The following EPHA3 variants were observed in gnomAD, a reference collection of about 807,000 sequenced individuals.
EPHA3 encodes the protein ephrin type-A receptor 3.
A neutral mutation model predicts 107.1 loss-of-function variants in EPHA3; 42 were observed. The ratio of observed to expected loss-of-function variants is 0.39; its 90% confidence interval spans 0.31 to 0.51. The LOEUF (loss-of-function observed/expected upper bound fraction) is 0.51. Among genes scored for constraint, EPHA3 ranks in the 20% least tolerant of loss-of-function variants. The pLI, the probability that EPHA3 is intolerant of heterozygous loss-of-function variation, is 0.78. For synonymous variants in EPHA3, 461 were observed against 424.8 expected (o/e 1.09, Z -1.05); for missense variants, 1,183 against 1,211.2 (o/e 0.98, Z 0.35).
chr3:89,480,296 C>T lies in EPHA3; in HGVS notation c.*794C>T. 4.3e-6 allele frequency: 1 copy of T among 232,918 alleles called. No homozygotes were observed. Among genetic ancestry groups the T allele is most frequent in the Non-Finnish European group, 8.5e-6 (1 of 117,828 alleles). The allele number at this position is 232,918 out of a possible 1,614,324, so 14.4% of individuals were successfully genotyped here. On this transcript the variant is annotated 3_prime_UTR_variant, in exon 17 of 17. Coordinates refer to ENST00000336596, the MANE Select transcript of EPHA3 (RefSeq NM_005233.6). ...TCTTTCAGATTTTTTGAACCATCCA[C>T]TTACATATATTTTTAAAAAATGAAA...
At chr3:89,170,552 A>G (rs77735727) in intron 2 of EPHA3, among the ~76,000 whole-genome samples, 1 of 152,154 alleles carries the variant, frequency 6.6e-6, no homozygotes, top group Non-Finnish European at 1.5e-5. Flanking sequence ...AGTTGATGAC[A>G]TACGAACTAG....
At chr3:89,260,495 C>A (rs1045807101) in intron 3 of EPHA3, among the ~76,000 whole-genome samples, 15 of 151,996 alleles carry the variant, frequency 9.9e-5, no homozygotes, top group African/African-American at 3.6e-4. Flanking sequence ...GGAGATATGC[C>A]TGTTTTGGTC....
intron 3 of EPHA3, among the ~76,000 whole-genome samples, chr3:89,314,699 C>A (rs927582422): frequency 6.6e-6 from 1 of 151,822 alleles, no homozygotes; most frequent in African/African-American, 2.4e-5. Context: ...TTCAAATGGA[C>A]CATAAAGCCT....
chr3:89,188,761 C>T (rs1187061010), intron 2 of EPHA3, among the ~76,000 whole-genome samples: 1 of 152,154 alleles, frequency 6.6e-6, no homozygotes, highest in Non-Finnish European at 1.5e-5. Context: ...TGATTTTCTT[C>T]TTCACATCAT....
At chr3:89,222,679 G>A (rs1704410089) in intron 3 of EPHA3, among the ~76,000 whole-genome samples, 1 of 151,994 alleles carries the variant, frequency 6.6e-6, no homozygotes, top group African/African-American at 2.4e-5. Flanking sequence ...GGTGAAGGCT[G>A]TAATAAAATA....
chr3:89,221,680 A>G (rs1476782356), intron 3 of EPHA3, among the ~76,000 whole-genome samples: 4 of 152,210 alleles, frequency 2.6e-5, no homozygotes, highest in Non-Finnish European at 5.9e-5. Flanking sequence ...CTTACGAGGT[A>G]AATCTTATTA....
chr3:89,293,539 C>T (rs919685141), intron 3 of EPHA3, among the ~76,000 whole-genome samples: 2 of 152,128 alleles, frequency 1.3e-5, no homozygotes, highest in Admixed American at 6.5e-5. Context: ...CATCTCAAAT[C>T]GTAATCCCCA....
chr3:89,399,178 T>C, intron 6 of EPHA3, 140 bp from the exon 7 acceptor site: 3 of 802,202 alleles, frequency 3.7e-6, no homozygotes, highest in Non-Finnish European at 5.4e-6. Flanking sequence ...ATAATTGAAA[T>C]AATCGATATG....
intron 5 of EPHA3, among the ~76,000 whole-genome samples, chr3:89,349,853 TTTTA>T: frequency 6.8e-6 from 1 of 147,716 alleles, no homozygotes; most frequent in African/African-American, 2.5e-5. Flanking sequence ...CTGTAAAGTA[TTTTA>T]TTTCTCCTTC....
chr3:89,439,441 A>T (rs542155941), intron 13 of EPHA3, among the ~76,000 whole-genome samples: 1 of 152,270 alleles, frequency 6.6e-6, no homozygotes, highest in Admixed American at 6.5e-5. Flanking sequence ...CTGGGGCAAC[A>T]GAGTGAGATT....
intron 5 of EPHA3, among the ~76,000 whole-genome samples, chr3:89,343,138 G>T (rs1472621508): frequency 1.3e-5 from 2 of 152,134 alleles, no homozygotes; most frequent in Non-Finnish European, 2.9e-5. Context: ...TAGGCAAAAG[G>T]AAACCAGAGG....
Position 89,480,020 on chromosome 3 carries a change from G to GT in EPHA3, c.*521dup, listed in dbSNP as rs1325426731. On this transcript the variant is annotated 3_prime_UTR_variant, in exon 17 of 17. Coordinates refer to ENST00000336596, the MANE Select transcript of EPHA3 (RefSeq NM_005233.6). ...ATCACTGCATTATTCTCTTTTATCT[G>GT]TTTAAAGCATATAGAGATGAAGTTT... 3 of 233,072 alleles carry GT rather than the reference G, an allele frequency of 1.3e-5. No individual in the cohort carries two copies. The highest frequency in any genetic ancestry group is 2.5e-5 in the Non-Finnish European group (3 of 117,914). 14.4% of individuals were successfully genotyped at this position (233,072 alleles called of 1,614,324 possible).
chr3:89,450,131 C>A, intron 14 of EPHA3, 46 bp from the exon 15 acceptor site: 1 of 1,490,930 alleles, frequency 6.7e-7, no homozygotes, highest in African/African-American at 1.4e-5. Context: ...CTAAGTGACA[C>A]TTCCTGAAAA....
At chr3:89,249,227 T>C (rs149670238) in intron 3 of EPHA3, among the ~76,000 whole-genome samples, 5 of 152,296 alleles carry the variant, frequency 3.3e-5, no homozygotes, top group African/African-American at 1.2e-4. Flanking sequence ...CCTGGTTTTG[T>C]CTCCTTCCTC....
At chr3:89,307,502 A>T (rs1281224732) in intron 3 of EPHA3, among the ~76,000 whole-genome samples, 2 of 152,204 alleles carry the variant, frequency 1.3e-5, no homozygotes, top group Admixed American at 1.3e-4. Flanking sequence ...AATATTGTCT[A>T]AATGGTATAT....
At chr3:89,232,925 TC>T (rs1704671466) in intron 3 of EPHA3, among the ~76,000 whole-genome samples, 1 of 152,200 alleles carries the variant, frequency 6.6e-6, no homozygotes, top group South Asian at 2.1e-4. Context: ...CTCTCTTTTC[TC>T]CCTGTACCTG....
chr3:89,407,754 C>A (rs1576363292), intron 8 of EPHA3, among the ~76,000 whole-genome samples: 1 of 152,040 alleles, frequency 6.6e-6, no homozygotes, highest in Non-Finnish European at 1.5e-5. Flanking sequence ...AGAGACTTTA[C>A]CCTTCATTCC....
rs566256443 is a variant in EPHA3 at position 89,162,334 on chromosome 3, C to A, written c.153+35061C>A. Among the ~76,000 whole-genome samples, 6 of 152,134 alleles carry A rather than the reference C, an allele frequency of 3.9e-5. No individual in the cohort carries two copies. In the South Asian group the frequency reaches 1.2e-3, roughly 32 times the overall value. ...AAATTAGATCAGAAGAAATAAAGTA[C>A]CTTATTAATTAATAATGTCCAAATA... On this transcript the variant is annotated intron_variant, in intron 2 of 16. Transcript: ENST00000336596.
At chr3:89,329,068 A>G (rs1707234271) in intron 3 of EPHA3, among the ~76,000 whole-genome samples, 1 of 152,148 alleles carries the variant, frequency 6.6e-6, no homozygotes, top group African/African-American at 2.4e-5. Context: ...TAAAAAGGAC[A>G]CAATTATCCT....
Sources: allele counts gnomAD v4.1 joint callset (sites outside exome capture counted in the v4.1 genomes callset), GRCh38; gene constraint gnomAD v4.1.1; transcripts MANE v1.5; gene names NCBI Gene and HGNC (gene_info 2026-07-23, HGNC 2026-07-21).